Variants in CLEC16A observed in about 807,000 individuals in gnomAD.
The protein encoded by CLEC16A is protein CLEC16A.
CLEC16A carries 51 observed loss-of-function variants against 109.5 expected under a neutral mutation model. The ratio of observed to expected loss-of-function variants is 0.47; its 90% CI spans 0.37 to 0.59. The LOEUF is 0.59. Among genes scored for constraint, CLEC16A ranks in the 20% least tolerant of loss-of-function variants. The pLI, the probability that CLEC16A is intolerant of heterozygous loss-of-function variation, is 0.00. For missense variants in CLEC16A, 1,339 were observed against 1,394.0 expected (o/e 0.96, Z 0.63); for synonymous variants, 673 against 564.2 (o/e 1.19, Z -2.73).
At chr16:11,121,733 A>T (rs1411924979) in intron 20 of CLEC16A, among the ~76,000 whole-genome samples, 1 of 151,836 alleles carries the variant, frequency 6.6e-6, no homozygotes, top group Non-Finnish European at 1.5e-5. Context: ...TACAAAAATT[A>T]GCCGGGCATG....
rs370883990 is a variant in CLEC16A, at chr16:11,058,764, A to G, written c.1996-2138A>G. 1.7e-4 allele frequency among the ~76,000 whole-genome samples: 26 copies of G among 152,330 alleles called. 1 individual carries two copies. In the South Asian group the frequency reaches 4.8e-3, roughly 28 times the overall value. On this transcript the variant is annotated intron_variant, in intron 18 of 23. Transcript: ENST00000409790. ...TTTTTCAGAGTGGTGGGCTGCAGAAAGCCACACGTTTCTGTTTTCTTACCC... is the reference window on the plus strand; with the variant it reads ...TTTTTCAGAGTGGTGGGCTGCAGAAGGCCACACGTTTCTGTTTTCTTACCC...
chr16:11,021,613 A>T (rs1375991016), intron 12 of CLEC16A, among the ~76,000 whole-genome samples: 2 of 152,208 alleles, frequency 1.3e-5, no homozygotes. Flanking sequence ...GCCTAGTCAC[A>T]TAGTGAGACC....
chr16:11,155,642 A>T (rs559140734), intron 22 of CLEC16A, among the ~76,000 whole-genome samples: 2 of 152,336 alleles, frequency 1.3e-5, no homozygotes, highest in East Asian at 1.9e-4. Context: ...TCTGACTCAC[A>T]TAGTTCCAGA....
At chr16:11,103,966 C>T (rs189489119) in intron 19 of CLEC16A, among the ~76,000 whole-genome samples, 2 of 152,300 alleles carry the variant, frequency 1.3e-5, no homozygotes, top group Admixed American at 1.3e-4. Flanking sequence ...GCCTTGAATG[C>T]CAGGCTCAGA....
chr16:10,947,182 C>T (rs78196591), intron 1 of CLEC16A, among the ~76,000 whole-genome samples: 82 of 152,330 alleles, frequency 5.4e-4, no homozygotes, highest in Non-Finnish European at 8.5e-4. Flanking sequence ...GCCCCAAGAA[C>T]CTGAGATTTG....
intron 22 of CLEC16A, among the ~76,000 whole-genome samples, chr16:11,159,110 C>A (rs2054631765): frequency 6.6e-6 from 1 of 152,196 alleles, no homozygotes; most frequent in African/African-American, 2.4e-5. Context: ...CTTCTCTTGA[C>A]AAACTGGAGA....
Position 11,042,238 on chromosome 16 carries a change from C to G in CLEC16A, c.1661-16C>G. The G allele has an allele frequency of 2.6e-6, 4 of 1,561,210 alleles. No individual in the cohort carries two copies. Among genetic ancestry groups the G allele is most frequent in the African/African-American group, 1.4e-5 (1 of 73,702 alleles). On this transcript the variant is annotated splice_polypyrimidine_tract_variant and intron_variant, in intron 14 of 23. Coordinates refer to ENST00000409790, the MANE Select transcript of CLEC16A (RefSeq NM_015226.3). ...CCACCCTGGGTGTGCAAGGCTTACCCTGGTGTGCTCTGCAGATGGGAAGAT... is the reference window on the plus strand; with the variant it reads ...CCACCCTGGGTGTGCAAGGCTTACCGTGGTGTGCTCTGCAGATGGGAAGAT...
intron 22 of CLEC16A, among the ~76,000 whole-genome samples, chr16:11,145,427 C>T (rs1430453071): frequency 6.6e-6 from 1 of 152,260 alleles, no homozygotes; most frequent in East Asian, 1.9e-4. Context: ...TCTCCCACTC[C>T]TGCATCCAGT....
At chr16:11,177,602 GAA>G (rs796832104) in intron 23 of CLEC16A, among the ~76,000 whole-genome samples, 23 of 91,006 alleles carry the variant, frequency 2.5e-4, no homozygotes, top group African/African-American at 6.6e-4. Flanking sequence ...TCCGCCAAAA[GAA>G]AAAAAAAAAA....
intron 22 of CLEC16A, 23 bp from the exon 23 acceptor site, chr16:11,166,365 T>C (rs199816722): frequency 1.9e-6 from 3 of 1,577,100 alleles, no homozygotes; most frequent in Non-Finnish European, 2.6e-6. Flanking sequence ...TTCCACTTGG[T>C]CACCTGGTAC....
intron 13 of CLEC16A, among the ~76,000 whole-genome samples, chr16:11,038,087 G>A (rs1018611633): frequency 5.9e-5 from 9 of 152,138 alleles, no homozygotes; most frequent in African/African-American, 1.7e-4. Flanking sequence ...TCTTTAGGCC[G>A]TCCCTCACCC....
intron 11 of CLEC16A, among the ~76,000 whole-genome samples, chr16:11,016,423 A>C (rs999997362): frequency 3.4e-5 from 5 of 147,618 alleles, no homozygotes; most frequent in Non-Finnish European, 6.0e-5. Context: ...ATCTTGGCTC[A>C]CTGCAACCCC....
intron 19 of CLEC16A, among the ~76,000 whole-genome samples, chr16:11,114,948 A>G (rs2051872320): frequency 6.6e-6 from 1 of 152,180 alleles, no homozygotes; most frequent in South Asian, 2.1e-4. Flanking sequence ...TAGTTTTCTT[A>G]TGAAATCTCT....
intron 2 of CLEC16A, among the ~76,000 whole-genome samples, chr16:10,962,237 CTG>C (rs1200196007): frequency 1.3e-5 from 2 of 152,204 alleles, no homozygotes; most frequent in Non-Finnish European, 2.9e-5. Context: ...GCATGAGCCA[CTG>C]TGCCCAGATC....
intron 11 of CLEC16A, among the ~76,000 whole-genome samples, chr16:11,019,478 G>A (rs1294608589): frequency 6.6e-6 from 1 of 152,172 alleles, no homozygotes; most frequent in African/African-American, 2.4e-5. Context: ...AAAAATGTAA[G>A]CAGCTTTAGG....
chr16:10,985,268 C>G (rs1002733244), intron 10 of CLEC16A, among the ~76,000 whole-genome samples: 1 of 149,176 alleles, frequency 6.7e-6, no homozygotes, highest in Non-Finnish European at 1.5e-5. Flanking sequence ...GGGTTGCAAA[C>G]TGGCCACCAG....
In CLEC16A at chr16:10,996,796, C is replaced by G. The variant is rs535757618; in HGVS notation, c.1072-6278C>G. On this transcript the variant is annotated intron_variant, in intron 10 of 23. Coordinates refer to ENST00000409790, the MANE Select transcript of CLEC16A (RefSeq NM_015226.3). ...CTCTGAGAGGCGTGGACTGTGGGCTCTGAGAGGCGTGGCCTGTGGCTTCCT... is the reference window on the plus strand; with the variant it reads ...CTCTGAGAGGCGTGGACTGTGGGCTGTGAGAGGCGTGGCCTGTGGCTTCCT... 2.6e-5 allele frequency among the ~76,000 whole-genome samples: 4 copies of G among 152,282 alleles called. No homozygotes were observed. The East Asian group carries it at 5.8e-4, about 22-fold the overall frequency.
intron 22 of CLEC16A, among the ~76,000 whole-genome samples, chr16:11,142,201 C>G (rs1168623136): frequency 6.6e-6 from 1 of 152,160 alleles, no homozygotes; most frequent in African/African-American, 2.4e-5. Context: ...TTGCTGAAAC[C>G]CACTGCTAGG....
intron 19 of CLEC16A, among the ~76,000 whole-genome samples, chr16:11,090,560 G>A (rs1315686343): frequency 2.6e-5 from 4 of 152,118 alleles, no homozygotes; most frequent in Admixed American, 2.6e-4. Flanking sequence ...GCAACTCCCC[G>A]CTTACCTAAC....
Sources: allele counts gnomAD v4.1 joint callset (sites outside exome capture counted in the v4.1 genomes callset), GRCh38; gene constraint gnomAD v4.1.1; transcripts MANE v1.5; gene names NCBI Gene and HGNC (gene_info 2026-07-23, HGNC 2026-07-21).